Variants in NPIPB15 observed in about 807,000 individuals in gnomAD.
NPIPB15 encodes the protein nuclear pore complex interacting protein family member B15.
Under a neutral mutation model 35.9 loss-of-function variants are expected in NPIPB15, and 5 were observed. That is an observed-to-expected ratio of 0.14 (90% CI 0.07 to 0.29). The LOEUF is 0.29. NPIPB15 is among the 10% of genes least tolerant of loss of function. The pLI is 1.00. For synonymous variants in NPIPB15, 43 were observed against 182.0 expected (o/e 0.24, Z 6.15); for missense variants, 100 against 506.1 (o/e 0.20, Z 7.70).
chr16:74,378,637 C>G (rs1489849634), intron 2 of NPIPB15, among the ~76,000 whole-genome samples: 1 of 149,784 alleles, frequency 6.7e-6, no homozygotes, highest in South Asian at 2.1e-4. Flanking sequence ...TAGTCTCCAT[C>G]TCTTGACCTC....
Position 74,391,768 on chromosome 16 carries a change from CAA to C in NPIPB15, c.1021_1022del (p.Lys341AspfsTer24), listed in dbSNP as rs1451931089. 6.2e-7 allele frequency: 1 copy of C among 1,613,852 alleles called. No homozygotes were observed. Among genetic ancestry groups the C allele is most frequent in the Non-Finnish European group, 8.5e-7 (1 of 1,179,876 alleles). On this transcript the variant is annotated frameshift_variant, in exon 8 of 8. Transcript: ENST00000692376. LOFTEE classifies it high-confidence loss of function. The stretch of plus-strand genomic sequence containing the variant: ...TTCCACCCTCAGTGGATGATAATCT[CAA>C]GACTCCTCCCTTAGCTACTCAGGAG... ...PLPPSVDDNL[K>X]TPPLATQEAE...
intron 2 of NPIPB15, 61 bp from the exon 3 acceptor site, chr16:74,381,455 T>A (rs1271758279): frequency 5.8e-6 from 9 of 1,542,522 alleles, no homozygotes; most frequent in Non-Finnish European, 7.9e-6. Flanking sequence ...GATGATTCTT[T>A]CTGAGTGAAA....
rs1462574837 is a variant in NPIPB15 at position 74,376,964 on chromosome 16, CT to C, written c.-404del. Among the ~76,000 whole-genome samples the C allele has an allele frequency of 2.1e-5, 3 of 145,100 alleles. No individual in the cohort carries two copies. The highest frequency in any genetic ancestry group is 4.1e-4 in the East Asian group (2 of 4,886). ...AAACATGCTGTGTGATTTGATTGCT[CT>C]CAAATATATTGAGATTTGCTGGAAC... is the stretch of plus-strand genomic sequence containing the variant. On this transcript the variant is annotated 5_prime_UTR_variant, in exon 1 of 8. It introduces an in-frame stop codon into an upstream open reading frame of the 5' UTR. Transcript: ENST00000692376.
chr16:74,376,507 C>A lies in NPIPB15; in HGVS notation c.-862C>A, dbSNP rs1340297532. Among the ~76,000 whole-genome samples, 9 of 149,946 alleles carry A rather than the reference C, an allele frequency of 6.0e-5. No homozygotes were observed. The highest frequency in any genetic ancestry group is 1.3e-4 in the Non-Finnish European group (9 of 67,656). Reference sequence around the variant, plus strand: ...GCCCTCTGGGTATTGTGGGCAAATACCTTAGGAGAGAAGCTGATGAACTTT... The same window carrying A: ...GCCCTCTGGGTATTGTGGGCAAATAACTTAGGAGAGAAGCTGATGAACTTT... On this transcript the variant is annotated 5_prime_UTR_variant, in exon 1 of 8. An upstream open reading frame in the 5' UTR gains an earlier in-frame stop. Coordinates refer to ENST00000692376, the MANE Select transcript of NPIPB15 (RefSeq NM_001306094.2).
intron 3 of NPIPB15, among the ~76,000 whole-genome samples, chr16:74,385,014 T>A (rs1351498688): frequency 9.9e-6 from 1 of 101,218 alleles, no homozygotes; most frequent in African/African-American, 3.5e-5. Context: ...TGTGTGTGTG[T>A]GTGTGTGTGT....
chr16:74,377,607 G>A (rs1399439779), intron 1 of NPIPB15, among the ~76,000 whole-genome samples: 6 of 151,976 alleles, frequency 3.9e-5, no homozygotes, highest in South Asian at 4.1e-4. Flanking sequence ...CTTGCCCCAC[G>A]TGTCCTGTTG....
In NPIPB15 at chr16:74,391,485, A is replaced by G. The variant is rs1156696121; in HGVS notation, c.737A>G (p.Gln246Arg). ...GCTTTAAAAAACAGGATGGGCCGCC[A>G]GCCACCTCCTCCAACTCAACAACAT... ...AEALKNRMGR[Q>R]PPPPTQQHSI... is the part of the protein sequence containing the mutation. The change falls in exon 8 of 8, where the codon CAG (glutamine) becomes CGG (arginine). Residue 246 changes from glutamine to arginine, a missense_variant. Physicochemically the swap from Gln to Arg is conservative, Grantham distance 43. Transcript: ENST00000692376. The G allele has an allele frequency of 6.2e-7, 1 of 1,613,714 alleles. No individual in the cohort carries two copies. Among genetic ancestry groups the G allele is most frequent in the Non-Finnish European group, 8.5e-7 (1 of 1,179,890 alleles).
At chr16:74,379,104 T>G (rs920954108) in intron 2 of NPIPB15, among the ~76,000 whole-genome samples, 1 of 152,270 alleles carries the variant, frequency 6.6e-6, no homozygotes, top group Non-Finnish European at 1.5e-5. Flanking sequence ...CCAGCCAAGA[T>G]CTACACTATT....
chr16:74,378,676 C>G (rs1420649539), intron 2 of NPIPB15, among the ~76,000 whole-genome samples: 1 of 150,542 alleles, frequency 6.6e-6, no homozygotes, highest in Non-Finnish European at 1.5e-5. Flanking sequence ...CCTCCCAGTG[C>G]TGGGATTACA....
intron 3 of NPIPB15, 172 bp downstream of exon 3, chr16:74,381,870 A>C: frequency 1.2e-6 from 1 of 836,992 alleles, no homozygotes; most frequent in South Asian, 2.0e-5. Context: ...TTACATTATG[A>C]AAATTAAATA....
At chr16:74,388,551 G>A (rs2012394667) in intron 5 of NPIPB15, 3 of 941,708 alleles carry the variant, frequency 3.2e-6, no homozygotes, top group Admixed American at 7.1e-5. Flanking sequence ...CTCAATGGGA[G>A]GTGTCCATTC....
intron 2 of NPIPB15, 120 bp from the exon 3 acceptor site, chr16:74,381,396 A>C: frequency 9.1e-7 from 1 of 1,102,672 alleles, no homozygotes; most frequent in South Asian, 1.6e-5. Context: ...TCCCACGGTG[A>C]TATCTGAGGG....
Position 74,379,075 on chromosome 16 carries a change from C to G in NPIPB15, c.66+1036C>G, listed in dbSNP as rs1597151304. On this transcript the variant is annotated intron_variant, in intron 2 of 7. Transcript: ENST00000692376. ...TTGGCCTCCCAAAGTGTTGGGATTACAGGCGTGAACCACCGTGCCCAGCCA... is the reference window on the plus strand; with the variant it reads ...TTGGCCTCCCAAAGTGTTGGGATTAGAGGCGTGAACCACCGTGCCCAGCCA... 6.0e-5 allele frequency among the ~76,000 whole-genome samples: 9 copies of G among 150,096 alleles called. No homozygotes were observed. The South Asian group carries it at 1.9e-3, about 32-fold the overall frequency.
intron 3 of NPIPB15, among the ~76,000 whole-genome samples, chr16:74,385,013 G>C (rs1259874793): frequency 1.1e-5 from 1 of 92,622 alleles, no homozygotes; most frequent in African/African-American, 3.6e-5. Flanking sequence ...GTGTGTGTGT[G>C]TGTGTGTGTG....
At chr16:74,388,803 C>T (rs2142692114) in intron 5 of NPIPB15, 1 of 963,114 alleles carries the variant, frequency 1.0e-6, no homozygotes, top group South Asian at 4.8e-5. Flanking sequence ...GAAAGAAATA[C>T]ACACCTACAA....
intron 1 of NPIPB15, 95 bp from the exon 2 acceptor site, chr16:74,377,857 C>T: frequency 9.1e-6 from 1 of 110,104 alleles, no homozygotes; most frequent in Admixed American, 1.1e-4. Flanking sequence ...CCTCCCCCTC[C>T]CCTCCCCCTC....
At chr16:74,377,693 T>A (rs1443235553) in intron 1 of NPIPB15, among the ~76,000 whole-genome samples, 2 of 151,034 alleles carry the variant, frequency 1.3e-5, no homozygotes, top group African/African-American at 2.4e-5. Flanking sequence ...CCGGATCCTT[T>A]CCCAGACCCC....
At chr16:74,379,346 G>A (rs2011856325) in intron 2 of NPIPB15, among the ~76,000 whole-genome samples, 1 of 152,168 alleles carries the variant, frequency 6.6e-6, no homozygotes, top group African/African-American at 2.4e-5. Context: ...AGTTCCACCT[G>A]TTGAAGGGCT....
chr16:74,381,166 G>GC lies in NPIPB15; in HGVS notation c.67-350_67-349insC, dbSNP rs1555500531. ...CTGTCTCCAAAAAAAAAAAAAAAGA[G>GC]TTTTTTTTTAGATCATCAGCTATTG... On this transcript the variant is annotated intron_variant, in intron 2 of 7. Coordinates refer to ENST00000692376, the MANE Select transcript of NPIPB15 (RefSeq NM_001306094.2). 19 of 258,718 alleles carry GC rather than the reference G, an allele frequency of 7.3e-5. No individual in the cohort carries two copies. The South Asian group carries it at 1.5e-3, about 20-fold the overall frequency. The allele number at this position is 258,718 out of a possible 1,614,324, so 16.0% of individuals were successfully genotyped here. A position where few individuals can be genotyped will look rare whatever the true frequency, so the allele number is the denominator to read the frequency against.
Sources: gnomAD v4.1 joint callset for allele counts (sites outside exome capture counted in the v4.1 genomes callset) on GRCh38, gnomAD v4.1.1 for gene constraint, MANE v1.5 for transcripts, NCBI Gene and HGNC (gene_info 2026-07-23, HGNC 2026-07-21) for gene names.